Variants in SLC2A9 observed in about 807,000 individuals in gnomAD.
SLC2A9 encodes solute carrier family 2, facilitated glucose transporter member 9.
Under a neutral mutation model 50.6 loss-of-function variants are expected in SLC2A9, and 39 were observed. The ratio of observed to expected loss-of-function variants is 0.77; its 90% CI spans 0.60 to 1.01. The LOEUF (loss-of-function observed/expected upper bound fraction) is 1.01, where lower values mean the gene tolerates loss of function less well. Ranked by LOEUF, SLC2A9 falls within the 50% of genes least tolerant of loss-of-function variation. The pLI is 0.00. For missense variants in SLC2A9, 686 were observed against 677.6 expected (o/e 1.01, Z -0.14); for synonymous variants, 324 against 276.9 (o/e 1.17, Z -1.69).
At chr4:9,808,367 GGGTTCTGCTTTT>G (rs1200091337) in intron 3 of SLC2A9, among the ~76,000 whole-genome samples, 2 of 152,174 alleles carry the variant, frequency 1.3e-5, no homozygotes, top group African/African-American at 4.8e-5. Context: ...TTGAAAGTGC[GGGTTCTGCTTTT>G]GGTGTACTCT....
chr4:9,887,960 T>G (rs1352009191), intron 9 of SLC2A9, among the ~76,000 whole-genome samples: 1 of 152,036 alleles, frequency 6.6e-6, no homozygotes, highest in African/African-American at 2.4e-5. Flanking sequence ...TATGAGCAAT[T>G]TTCACAGCTT....
intron 6 of SLC2A9, among the ~76,000 whole-genome samples, chr4:9,923,351 A>G (rs1415082490): frequency 6.6e-6 from 1 of 152,246 alleles, no homozygotes; most frequent in African/African-American, 2.4e-5. Context: ...TCCACTTGTT[A>G]TATAACCTGT....
chr4:9,903,901 C>A, intron 8 of SLC2A9, among the ~76,000 whole-genome samples: 1 of 145,196 alleles, frequency 6.9e-6, no homozygotes, highest in African/African-American at 2.5e-5. Context: ...TATTTTATAT[C>A]AATAAATATA....
chr4:9,800,535 C>T (rs1203854130), intron 3 of SLC2A9, among the ~76,000 whole-genome samples: 6 of 152,262 alleles, frequency 3.9e-5, no homozygotes, highest in East Asian at 3.9e-4. Flanking sequence ...ACCTTGGTCT[C>T]GGACATCTAT....
At chr4:9,828,677 T>A (rs73804393) in intron 11 of SLC2A9, among the ~76,000 whole-genome samples, 5,388 of 152,298 alleles carry the variant, frequency 0.035, 292 homozygotes, top group African/African-American at 0.12. Flanking sequence ...GCTTTCTTAC[T>A]CCTCTTCATC....
chr4:9,890,397 T>A (rs1044874628), intron 9 of SLC2A9, among the ~76,000 whole-genome samples: 1 of 152,058 alleles, frequency 6.6e-6, no homozygotes, highest in African/African-American at 2.4e-5. Flanking sequence ...GGACCAGAAG[T>A]CAGGTCTCTC....
At chr4:10,033,108 C>T (rs938726704) in intron 1 of SLC2A9, among the ~76,000 whole-genome samples, 4 of 152,184 alleles carry the variant, frequency 2.6e-5, no homozygotes, top group African/African-American at 9.7e-5. Context: ...TCAGTTTCCT[C>T]CTTTTGTCCA....
At chr4:9,982,236 T>C (rs1756008856) in intron 4 of SLC2A9, among the ~76,000 whole-genome samples, 1 of 152,216 alleles carries the variant, frequency 6.6e-6, no homozygotes, top group Non-Finnish European at 1.5e-5. Context: ...AGCAGCAATA[T>C]TCCTTTCTTT....
At position 9,912,665 on chromosome 4, in the gene SLC2A9, C is replaced by G. The variant is rs1046454881; in HGVS notation, c.1003-4320G>C. On this transcript the variant is annotated intron_variant, in intron 7 of 11. Coordinates refer to ENST00000264784, the MANE Select transcript of SLC2A9 (RefSeq NM_020041.3). ...ACATCCCATTTACTTTTGCCTAGAA[C>G]AAGGTGATACTGACAAAGAGTATGG... is the stretch of plus-strand genomic sequence containing the variant. Among the ~76,000 whole-genome samples, 5 of 152,284 alleles carry G rather than the reference C, an allele frequency of 3.3e-5. No homozygotes were observed. The East Asian group carries it at 9.6e-4, about 29-fold the overall frequency.
At chr4:9,897,221 T>C (rs968795590) in intron 8 of SLC2A9, among the ~76,000 whole-genome samples, 1 of 152,170 alleles carries the variant, frequency 6.6e-6, no homozygotes, top group African/African-American at 2.4e-5. Context: ...TTCACATTTA[T>C]CAAAAGAATA....
intron 3 of SLC2A9, among the ~76,000 whole-genome samples, chr4:9,788,617 C>T (rs1232281524): frequency 2.6e-5 from 4 of 152,106 alleles, no homozygotes; most frequent in Admixed American, 1.3e-4. Flanking sequence ...TAACACAATG[C>T]TCAGTCTAGG....
At chr4:9,883,881 C>T (rs1735677964) in intron 10 of SLC2A9, among the ~76,000 whole-genome samples, 1 of 152,232 alleles carries the variant, frequency 6.6e-6, no homozygotes, top group Non-Finnish European at 1.5e-5. Flanking sequence ...GCCAACTCTG[C>T]ATCCAGGGCT....
chr4:9,981,305 G>A, intron 4 of SLC2A9, among the ~76,000 whole-genome samples: 1 of 151,098 alleles, frequency 6.6e-6, no homozygotes, highest in Non-Finnish European at 1.5e-5. Context: ...TGATAGTGAT[G>A]GTGGCGATGG....
At chr4:9,833,220 A>T (rs1048478545) in intron 11 of SLC2A9, among the ~76,000 whole-genome samples, 1 of 152,174 alleles carries the variant, frequency 6.6e-6, no homozygotes, top group Non-Finnish European at 1.5e-5. Flanking sequence ...GGAATAAATG[A>T]GTGTGGGATC....
At chr4:10,006,871 G>C (rs1296323783) in intron 2 of SLC2A9, among the ~76,000 whole-genome samples, 3 of 151,936 alleles carry the variant, frequency 2.0e-5, no homozygotes, top group Non-Finnish European at 4.4e-5. Flanking sequence ...GCCAAGCAGA[G>C]AGTGCCTATG....
At chr4:9,903,446 C>G (rs1740036546) in intron 8 of SLC2A9, among the ~76,000 whole-genome samples, 1 of 152,110 alleles carries the variant, frequency 6.6e-6, no homozygotes, top group Non-Finnish European at 1.5e-5. Flanking sequence ...CTGAATGACG[C>G]TCACTGGAAG....
intron 10 of SLC2A9, among the ~76,000 whole-genome samples, chr4:9,869,188 GGA>G (rs1199009635): frequency 6.6e-6 from 1 of 152,130 alleles, no homozygotes; most frequent in Non-Finnish European, 1.5e-5. Flanking sequence ...CAGAGAAAAC[GGA>G]GGCTGAGAAG....
At chr4:9,859,726 T>C (rs565554121) in intron 10 of SLC2A9, among the ~76,000 whole-genome samples, 158 of 152,348 alleles carry the variant, frequency 1.0e-3, no homozygotes, top group Non-Finnish European at 2.0e-3. Context: ...ATTTTTCTTT[T>C]CCAGGTGTCT....
intron 3 of SLC2A9, among the ~76,000 whole-genome samples, chr4:9,780,791 CT>C (rs766860148): frequency 1.3e-5 from 2 of 152,028 alleles, no homozygotes; most frequent in Non-Finnish European, 2.9e-5. Context: ...TTCCATCATT[CT>C]TTTTTTTCAG....
Sources: allele counts gnomAD v4.1 joint callset (sites outside exome capture counted in the v4.1 genomes callset), GRCh38; gene constraint gnomAD v4.1.1; transcripts MANE v1.5; gene names NCBI Gene and HGNC (gene_info 2026-07-23, HGNC 2026-07-21).